Variants in PI4K2A observed in about 807,000 individuals in gnomAD.
PI4K2A encodes phosphatidylinositol 4-kinase type 2-alpha.
PI4K2A carries 20 observed loss-of-function variants against 55.0 expected under a neutral mutation model. That is an observed-to-expected ratio of 0.36 (90% CI 0.26 to 0.53). The LOEUF is 0.53. PI4K2A is among the 20% of genes least tolerant of loss of function. The pLI is 0.91. For missense variants in PI4K2A, 463 were observed against 637.1 expected (o/e 0.73, Z 2.94); for synonymous variants, 235 against 258.5 (o/e 0.91, Z 0.87).
intron 8 of PI4K2A, among the ~76,000 whole-genome samples, chr10:97,668,252 C>T (rs1192859778): frequency 6.6e-6 from 1 of 152,138 alleles, no homozygotes; most frequent in Non-Finnish European, 1.5e-5. Flanking sequence ...CTCTCCTTCC[C>T]TTAGTTTCCT....
Position 97,656,412 on chromosome 10 carries a change from C to G in PI4K2A, c.764C>G (p.Pro255Arg). 1 of 1,613,858 alleles carries G rather than the reference C, an allele frequency of 6.2e-7. No homozygotes were observed. Among genetic ancestry groups the G allele is most frequent in the Admixed American group, 1.7e-5 (1 of 60,016 alleles). ...CGGTTTAACCGCATCGGGCTACCAC[C>G]AAAGGTATAGACGCACCTCTGGCTT... The change falls in exon 3 of 9, where the codon CCA (proline) becomes CGA (arginine). Residue 255 changes from proline (P) to arginine (R), a missense_variant. Physicochemically the swap from Pro to Arg is moderately radical, Grantham distance 103. Coordinates refer to ENST00000370631, the Ensembl canonical transcript of PI4K2A. The surrounding 1 kb of genome is among the most constrained non-coding windows in gnomAD (Gnocchi z 4.5).
In PI4K2A at chr10:97,667,153, C is replaced by T. The variant is rs79179769; in HGVS notation, c.1278+33C>T. 2.5e-3 allele frequency: 3,765 copies of T among 1,510,594 alleles called. 41 individuals carry two copies. The African/African-American group carries it at 0.028, about 11-fold the overall frequency. 93.6% of individuals were successfully genotyped at this position (1,510,594 alleles called of 1,614,324 possible). ...TGGGACATCCTCCCAGTATCTTTGG[C>T]GTCTCTGGGAGTGTTGTGTGCTCAG... On this transcript the variant is annotated intron_variant, in intron 8 of 8. Transcript: ENST00000370631.
At chr10:97,642,845 TC>T (rs71488836) in intron 1 of PI4K2A, among the ~76,000 whole-genome samples, 3,484 of 41,438 alleles carry the variant, frequency 0.084, 678 homozygotes, top group African/African-American at 0.23. Context: ...CTTCCTTCCT[TC>T]CTTCCTTTCT....
chr10:97,659,395 A>G (rs559022170), intron 4 of PI4K2A, among the ~76,000 whole-genome samples: 1 of 146,216 alleles, frequency 6.8e-6, no homozygotes, highest in Non-Finnish European at 1.5e-5. Flanking sequence ...TATTAGTTCT[A>G]GTAGTTATTT....
chr10:97,655,853 G>T (rs2041551930), intron 2 of PI4K2A, among the ~76,000 whole-genome samples: 1 of 152,086 alleles, frequency 6.6e-6, no homozygotes, highest in Admixed American at 6.6e-5. Context: ...GGGTTTACAG[G>T]TGTGAGCCAC....
chr10:97,658,171 C>T (rs1361173879), intron 4 of PI4K2A, among the ~76,000 whole-genome samples: 1 of 152,132 alleles, frequency 6.6e-6, no homozygotes, highest in African/African-American at 2.4e-5. Flanking sequence ...AAGCTCTATA[C>T]TCATTAAACA....
chr10:97,673,035 G>A (rs1231304662), intron 8 of PI4K2A, among the ~76,000 whole-genome samples: 4 of 150,808 alleles, frequency 2.7e-5, no homozygotes, highest in African/African-American at 9.8e-5. Flanking sequence ...TACCCAGGCT[G>A]GAGTGCAGTG....
chr10:97,651,731 TGTATGTGTTATAGACATAGTTGAG>T (rs1408755029), intron 2 of PI4K2A, among the ~76,000 whole-genome samples: 2 of 152,200 alleles, frequency 1.3e-5, no homozygotes, highest in African/African-American at 4.8e-5. Flanking sequence ...ATACACATCT[TGTATGTGTTATAGACATAGTTGAG>T]GTCTCCCCCA....
At chr10:97,666,665 G>A (rs1430797440) in intron 7 of PI4K2A, 94 bp downstream of exon 7, 1 of 1,081,796 alleles carries the variant, frequency 9.2e-7, no homozygotes, top group Non-Finnish European at 1.3e-6. Flanking sequence ...AGAGGAAATG[G>A]CTAACACCTT....
chr10:97,662,335 C>T (rs974250476), intron 4 of PI4K2A, among the ~76,000 whole-genome samples: 1 of 152,066 alleles, frequency 6.6e-6, no homozygotes, highest in Non-Finnish European at 1.5e-5. Flanking sequence ...CAAATACTGC[C>T]TATCAGAAAT....
exon 9 of PI4K2A, chr10:97,674,340 C>G (rs989070982): frequency 1.3e-5 from 2 of 152,302 alleles, no homozygotes; most frequent in Non-Finnish European, 2.9e-5. Flanking sequence ...CCCATCAGTG[C>G]TGTGGGCTGG....
intron 1 of PI4K2A, among the ~76,000 whole-genome samples, chr10:97,649,959 G>C (rs1353437008): frequency 6.6e-6 from 1 of 152,026 alleles, no homozygotes; most frequent in Non-Finnish European, 1.5e-5. Flanking sequence ...AGTTGGTAAA[G>C]TTTTTAGTCT....
chr10:97,664,895 G>GGGT (rs1477862861), exon 6 of PI4K2A: 1 of 1,613,178 alleles, frequency 6.2e-7, no homozygotes, highest in Admixed American at 1.7e-5. Context: ...GACACAGACT[G>GGGT]GGTGGTGGTG....
chr10:97,654,422 T>G (rs1049606394), intron 2 of PI4K2A, among the ~76,000 whole-genome samples: 39 of 152,094 alleles, frequency 2.6e-4, no homozygotes, highest in Non-Finnish European at 1.6e-4. Context: ...TACTAGATGG[T>G]AGCATGGAGC....
intron 4 of PI4K2A, among the ~76,000 whole-genome samples, chr10:97,662,699 C>T (rs1440159331): frequency 6.6e-6 from 1 of 152,168 alleles, no homozygotes; most frequent in South Asian, 2.1e-4. Flanking sequence ...CATGGATTTC[C>T]TTTCTCTCCC....
intron 1 of PI4K2A, among the ~76,000 whole-genome samples, chr10:97,648,071 G>A (rs1479789103): frequency 1.3e-5 from 2 of 150,258 alleles, no homozygotes; most frequent in African/African-American, 2.5e-5. Context: ...GACTACAGGT[G>A]CATACCACCA....
intron 8 of PI4K2A, among the ~76,000 whole-genome samples, chr10:97,669,439 CAGATAGTG>C (rs2041625350): frequency 1.3e-5 from 2 of 148,476 alleles, no homozygotes; most frequent in African/African-American, 2.5e-5. Context: ...TCCCATTACT[CAGATAGTG>C]CCATTATTCA....
At position 97,673,944 on chromosome 10, in the gene PI4K2A, G is replaced by C. The variant is rs532988942; in HGVS notation, c.*202G>C. 1.2e-3 allele frequency: 691 copies of C among 553,256 alleles called. 11 individuals are homozygous for C. In the South Asian group the frequency reaches 0.015, roughly 12 times the overall value. 34.3% of individuals were successfully genotyped at this position (553,256 alleles called of 1,614,324 possible). On this transcript the variant is annotated 3_prime_UTR_variant, in exon 9 of 9. Coordinates refer to ENST00000370631, the Ensembl canonical transcript of PI4K2A. ...TGAGTGCTCCTCGCCCTTCTGATGTGGGGGAGGCTGGAGCTCCATGCACGT... is the reference window on the plus strand; with the variant it reads ...TGAGTGCTCCTCGCCCTTCTGATGTCGGGGAGGCTGGAGCTCCATGCACGT...
chr10:97,672,376 A>G (rs1214544381), intron 8 of PI4K2A, among the ~76,000 whole-genome samples: 1 of 152,134 alleles, frequency 6.6e-6, no homozygotes, highest in Non-Finnish European at 1.5e-5. Context: ...CCCAGAGATG[A>G]CCACTGCCAA....
Sources: gnomAD v4.1 joint callset for allele counts (sites outside exome capture counted in the v4.1 genomes callset) on GRCh38, gnomAD v4.1.1 for gene constraint, Gnocchi (gnomAD v3.1) non-coding constraint, MANE v1.5 for transcripts, NCBI Gene and HGNC (gene_info 2026-07-23, HGNC 2026-07-21) for gene names.